Variants in MRTFB observed in about 807,000 individuals in gnomAD.
MRTFB encodes myocardin-related transcription factor B.
In MRTFB, 29 loss-of-function variants were observed where a neutral mutation model predicts 104.2. That is an observed-to-expected ratio of 0.28 (90% CI 0.21 to 0.38). The LOEUF is 0.38. Ranked by LOEUF, MRTFB falls within the 10% of genes least tolerant of loss-of-function variation. MRTFB has a pLI of 1.00. For missense variants in MRTFB, 1,270 were observed against 1,341.6 expected (o/e 0.95, Z 0.83); for synonymous variants, 535 against 519.5 (o/e 1.03, Z -0.41).
chr16:14,121,613 T>G lies in MRTFB; in HGVS notation c.-63-18931T>G, dbSNP rs534759749. Among the ~76,000 whole-genome samples the G allele has an allele frequency of 1.8e-4, 28 of 152,220 alleles. No individual in the cohort carries two copies. The South Asian group carries it at 2.3e-3, about 12-fold the overall frequency. On this transcript the variant is annotated intron_variant, in intron 2 of 16. Transcript: ENST00000571589. ...GTTTGAAAAGGAAGTATAAAAAGAG[T>G]TGCAGAATGAGGGGAAAAGCCCTGA...
At chr16:14,090,469 C>T (rs2034987556) in intron 2 of MRTFB, among the ~76,000 whole-genome samples, 1 of 152,210 alleles carries the variant, frequency 6.6e-6, no homozygotes, top group Admixed American at 6.5e-5. Context: ...ATACTGAGCA[C>T]TTTGCAGGGC....
intron 2 of MRTFB, among the ~76,000 whole-genome samples, chr16:14,134,112 G>C (rs1025200855): frequency 9.2e-5 from 14 of 152,138 alleles, no homozygotes; most frequent in African/African-American, 3.4e-4. Context: ...TGTGCAGTTT[G>C]CTCCATGTTG....
chr16:14,141,548 A>T (rs1316858502), intron 3 of MRTFB: 1 of 152,154 alleles, frequency 6.6e-6, no homozygotes, highest in South Asian at 2.1e-4. Context: ...TCACAAGTAT[A>T]TTTGTAAATT....
chr16:14,218,647 C>T (rs992323878), intron 7 of MRTFB, among the ~76,000 whole-genome samples, 173 bp from the exon 8 acceptor site: 5 of 152,054 alleles, frequency 3.3e-5, no homozygotes, highest in African/African-American at 9.7e-5. Flanking sequence ...CTTTTTCACT[C>T]AAGAATACAT....
At chr16:14,090,581 G>T (rs2034995474) in intron 2 of MRTFB, among the ~76,000 whole-genome samples, 1 of 152,166 alleles carries the variant, frequency 6.6e-6, no homozygotes, top group African/African-American at 2.4e-5. Flanking sequence ...GGTGCCAGGA[G>T]GGGGAAGGGA....
the MRTFB span, among the ~76,000 whole-genome samples, chr16:14,061,228 C>T: frequency 2.1e-3 from 325 of 152,288 alleles, 1 homozygote; most frequent in African/African-American, 7.5e-3. Flanking sequence ...CTCTTCTCAA[C>T]AGAGCCAGCG....
the MRTFB span, among the ~76,000 whole-genome samples, chr16:14,039,233 C>T: frequency 1.3e-5 from 2 of 152,200 alleles, no homozygotes; most frequent in East Asian, 3.9e-4. Context: ...AGCTCCTTAT[C>T]ATATGGGCCT....
chr16:14,090,845 T>C (rs938776577), intron 2 of MRTFB, among the ~76,000 whole-genome samples: 1 of 151,988 alleles, frequency 6.6e-6, no homozygotes, highest in Non-Finnish European at 1.5e-5. Context: ...AAAACCACTT[T>C]AATTTTTTCA....
At chr16:14,071,967 C>T (rs113597614) in intron 1 of MRTFB, among the ~76,000 whole-genome samples, 3 of 152,212 alleles carry the variant, frequency 2.0e-5, no homozygotes, top group African/African-American at 4.8e-5. Context: ...TAAAAGGGTC[C>T]CCGATCCCCA....
At chr16:14,044,071 G>A in the MRTFB span, among the ~76,000 whole-genome samples, 1 of 152,126 alleles carries the variant, frequency 6.6e-6, no homozygotes, top group East Asian at 1.9e-4. Flanking sequence ...ACCAAAACAC[G>A]CTGGAGCCTC....
chr16:14,039,031 T>A, the MRTFB span, among the ~76,000 whole-genome samples: 1 of 152,134 alleles, frequency 6.6e-6, no homozygotes, highest in Non-Finnish European at 1.5e-5. Context: ...GATTCAGTTA[T>A]CTCCCACTGG....
At chr16:14,180,557 C>T (rs2039733561) in intron 3 of MRTFB, among the ~76,000 whole-genome samples, 1 of 152,216 alleles carries the variant, frequency 6.6e-6, no homozygotes, top group Admixed American at 6.5e-5. Flanking sequence ...GACAAATGGC[C>T]CCAGTCTCTT....
At chr16:14,009,458 A>G in the MRTFB span, 1 of 152,188 alleles carries the variant, frequency 6.6e-6, no homozygotes, top group African/African-American at 2.4e-5. Flanking sequence ...CAACTGTCAA[A>G]CAGAGACAGT....
upstream of MRTFB, among the ~76,000 whole-genome samples, chr16:14,069,402 C>T (rs747149473): frequency 1.3e-4 from 20 of 152,230 alleles, no homozygotes; most frequent in Non-Finnish European, 2.8e-4. Flanking sequence ...AGCTATGTCA[C>T]CAGTTTCCCT....
chr16:14,170,245 C>G (rs1389652388), intron 3 of MRTFB: 1 of 152,478 alleles, frequency 6.6e-6, no homozygotes, highest in Admixed American at 6.5e-5. Context: ...TCATTTAAGG[C>G]CAGGAGCTCG....
intron 2 of MRTFB, among the ~76,000 whole-genome samples, chr16:14,131,727 A>G (rs2037448924): frequency 6.6e-6 from 1 of 152,150 alleles, no homozygotes; most frequent in Non-Finnish European, 1.5e-5. Context: ...GGAAATGCAA[A>G]TCAAAACCAC....
At chr16:14,060,416 A>G in the MRTFB span, among the ~76,000 whole-genome samples, 1 of 152,162 alleles carries the variant, frequency 6.6e-6, no homozygotes, top group Non-Finnish European at 1.5e-5. Flanking sequence ...TTTTTATTAC[A>G]GGTCAAGCTT....
chr16:14,032,462 G>C, the MRTFB span, among the ~76,000 whole-genome samples: 4 of 152,210 alleles, frequency 2.6e-5, no homozygotes, highest in African/African-American at 9.6e-5. Context: ...CATTGGAATT[G>C]AACTTGAATC....
chr16:13,998,483 A>G, the MRTFB span, among the ~76,000 whole-genome samples: 7 of 152,002 alleles, frequency 4.6e-5, no homozygotes, highest in African/African-American at 1.7e-4. Flanking sequence ...ACCCTCTACA[A>G]AAATTTTTAA....
Sources: gnomAD v4.1 joint callset for allele counts (sites outside exome capture counted in the v4.1 genomes callset) on GRCh38, gnomAD v4.1.1 for gene constraint, MANE v1.5 for transcripts, NCBI Gene and HGNC (gene_info 2026-07-23, HGNC 2026-07-21) for gene names.